Variants in SUGCT observed in about 807,000 individuals in gnomAD.
SUGCT encodes succinyl-CoA:glutarate-CoA transferase.
In SUGCT, 41 loss-of-function variants were observed where a neutral mutation model predicts 55.0. The observed-to-expected ratio is 0.74, with a 90% confidence interval of 0.58 to 0.97. The LOEUF is 0.97. SUGCT is among the 50% of genes least tolerant of loss of function. SUGCT has a pLI of 0.00. For missense variants in SUGCT, 568 were observed against 547.8 expected (o/e 1.04, Z -0.37); for synonymous variants, 187 against 200.4 (o/e 0.93, Z 0.56).
At chr7:40,891,199 T>G in the SUGCT span, among the ~76,000 whole-genome samples, 375 of 152,210 alleles carry the variant, frequency 2.5e-3, 1 homozygote, top group African/African-American at 8.7e-3. Flanking sequence ...TTATGGGAGT[T>G]CTAATGGAGC....
intron 13 of SUGCT, among the ~76,000 whole-genome samples, chr7:40,807,011 G>A (rs1791135585): frequency 1.3e-5 from 2 of 152,266 alleles, no homozygotes; most frequent in African/African-American, 2.4e-5. Context: ...AAAGTTGTAC[G>A]ATTGAGTGAG....
intron 9 of SUGCT, among the ~76,000 whole-genome samples, chr7:40,416,882 G>A (rs1787031654): frequency 6.6e-6 from 1 of 151,908 alleles, no homozygotes; most frequent in African/African-American, 2.4e-5. Context: ...AAGTCTGTCT[G>A]GAACTAGTGC....
intron 9 of SUGCT, among the ~76,000 whole-genome samples, chr7:40,379,563 A>G (rs2151278334): frequency 6.6e-6 from 1 of 152,190 alleles, no homozygotes; most frequent in East Asian, 1.9e-4. Context: ...TCTGAACTAA[A>G]TCTGTAAAGT....
intron 13 of SUGCT, among the ~76,000 whole-genome samples, chr7:40,848,333 C>G (rs576930938): frequency 6.6e-6 from 1 of 152,300 alleles, no homozygotes; most frequent in East Asian, 1.9e-4. Flanking sequence ...CCTCTTCCTA[C>G]ATGCTTTCTC....
intron 9 of SUGCT, among the ~76,000 whole-genome samples, chr7:40,430,614 G>A (rs1787842539): frequency 1.3e-5 from 2 of 152,030 alleles, no homozygotes. Context: ...TCTCTAAGTT[G>A]CTGGTCTGTT....
chr7:40,823,567 A>G (rs914359052), intron 13 of SUGCT, among the ~76,000 whole-genome samples: 4 of 151,990 alleles, frequency 2.6e-5, no homozygotes, highest in African/African-American at 9.7e-5. Flanking sequence ...ACTCTACTAC[A>G]CTGCTTATTA....
At chr7:40,386,219 CCTGACA>C (rs1785121818) in intron 9 of SUGCT, among the ~76,000 whole-genome samples, 1 of 152,126 alleles carries the variant, frequency 6.6e-6, no homozygotes, top group African/African-American at 2.4e-5. Context: ...TCAGAAAGCC[CCTGACA>C]CTCAGCTGTT....
chr7:40,496,063 T>G (rs766144038), intron 11 of SUGCT, among the ~76,000 whole-genome samples: 8 of 152,190 alleles, frequency 5.3e-5, no homozygotes, highest in Non-Finnish European at 7.4e-5. Context: ...CATCTCTAAA[T>G]GATGGATTTT....
At chr7:40,429,206 TA>T (rs771017981) in intron 9 of SUGCT, among the ~76,000 whole-genome samples, 3 of 152,150 alleles carry the variant, frequency 2.0e-5, no homozygotes, top group Non-Finnish European at 4.4e-5. Context: ...TTATTACCTA[TA>T]GTATTTATGT....
intron 8 of SUGCT, among the ~76,000 whole-genome samples, chr7:40,296,265 C>T (rs1794137790): frequency 6.6e-6 from 1 of 152,138 alleles, no homozygotes; most frequent in South Asian, 2.1e-4. Context: ...TTCTGAATTG[C>T]TTATTGAAAA....
rs115703745 is a variant in SUGCT, at chr7:40,463,193, C to G, written c.986+3995C>G. Among the ~76,000 whole-genome samples, 1,110 of 152,204 alleles carry G rather than the reference C, an allele frequency of 7.3e-3. 15 individuals are homozygous for G. The highest frequency in any genetic ancestry group is 0.025 in the African/African-American group (1,032 of 41,532). On this transcript the variant is annotated intron_variant, in intron 11 of 13. Transcript: ENST00000335693. ...GCCTGATATTTTTATTTTAGAAAAT[C>G]TTTAAAACGTGAAAATGTGGAGGGA...
intron 12 of SUGCT, among the ~76,000 whole-genome samples, chr7:40,680,485 A>G (rs1412200122): frequency 6.6e-6 from 1 of 152,132 alleles, no homozygotes; most frequent in Non-Finnish European, 1.5e-5. Flanking sequence ...AGGATTACAC[A>G]CCCACAAAAG....
At chr7:40,798,466 G>C (rs552953015) in intron 13 of SUGCT, among the ~76,000 whole-genome samples, 5 of 152,138 alleles carry the variant, frequency 3.3e-5, no homozygotes, top group African/African-American at 1.2e-4. Flanking sequence ...TCAATATATT[G>C]AGAAATTTTT....
chr7:40,577,978 G>A (rs1031247477), intron 12 of SUGCT, among the ~76,000 whole-genome samples: 7 of 152,056 alleles, frequency 4.6e-5, no homozygotes, highest in African/African-American at 1.7e-4. Context: ...TTCCTGATGA[G>A]TCAATTGATT....
chr7:40,285,296 A>C (rs1439397870), intron 8 of SUGCT, among the ~76,000 whole-genome samples: 1 of 152,150 alleles, frequency 6.6e-6, no homozygotes, highest in East Asian at 1.9e-4. Context: ...AACCTAGTAG[A>C]ATCATGAATT....
At chr7:40,903,385 A>C in the SUGCT span, among the ~76,000 whole-genome samples, 2 of 152,160 alleles carry the variant, frequency 1.3e-5, no homozygotes, top group Non-Finnish European at 2.9e-5. Context: ...GACAGAGTTC[A>C]GAAAGGGGGA....
the SUGCT span, among the ~76,000 whole-genome samples, chr7:40,909,884 G>A: frequency 1.3e-5 from 2 of 152,120 alleles, no homozygotes; most frequent in Admixed American, 6.5e-5. Flanking sequence ...TCTAAAAACA[G>A]CAACTTGGTT....
intron 13 of SUGCT, among the ~76,000 whole-genome samples, chr7:40,751,769 C>T (rs1202227668): frequency 6.6e-6 from 1 of 152,054 alleles, no homozygotes; most frequent in African/African-American, 2.4e-5. Flanking sequence ...TTGGTATCCC[C>T]AACACATTAG....
At chr7:40,905,969 C>T in the SUGCT span, among the ~76,000 whole-genome samples, 1,544 of 152,222 alleles carry the variant, frequency 0.01, 13 homozygotes, top group Admixed American at 0.019. Context: ...CTTTGCACTT[C>T]CGCCTTGGCC....
Sources: gnomAD v4.1 joint callset for allele counts (sites outside exome capture counted in the v4.1 genomes callset) on GRCh38, gnomAD v4.1.1 for gene constraint, MANE v1.5 for transcripts, NCBI Gene and HGNC (gene_info 2026-07-23, HGNC 2026-07-21) for gene names.